CNTN4: variants seen among roughly 807,000 people sequenced by gnomAD.
The protein encoded by CNTN4 is contactin-4.
A neutral mutation model predicts 122.5 loss-of-function variants in CNTN4; 77 were observed. That is an observed-to-expected ratio of 0.63 (90% CI 0.52 to 0.76). The LOEUF is 0.76. CNTN4 is among the 30% of genes least tolerant of loss of function. The pLI is 0.00. For missense variants in CNTN4, 1,256 were observed against 1,259.1 expected (o/e 1.00, Z 0.04); for synonymous variants, 512 against 447.0 (o/e 1.15, Z -1.83).
At chr3:2,933,413 G>C (rs2094541775) in intron 13 of CNTN4, among the ~76,000 whole-genome samples, 1 of 152,146 alleles carries the variant, frequency 6.6e-6, no homozygotes, top group Non-Finnish European at 1.5e-5. Context: ...CATCTGGGGA[G>C]ATACGTGGCC....
At position 3,038,927 on chromosome 3, in the gene CNTN4, G is replaced by T. The variant is rs10510251; in HGVS notation, c.2093-6G>T. 1.2e-6 allele frequency: 2 copies of T among 1,613,856 alleles called. No individual in the cohort carries two copies. ...GACATAACTTGTTTTTTGTCTCCTT[G>T]TGCAGTCCCCGAAGTCACACCAGCG... On this transcript the variant is annotated splice_polypyrimidine_tract_variant and splice_region_variant and intron_variant, in intron 18 of 24. Transcript: ENST00000418658.
At chr3:3,049,587 A>G (rs9851808) in intron 23 of CNTN4, among the ~76,000 whole-genome samples, 117,822 of 152,112 alleles carry the variant, frequency 0.77, 45,961 homozygotes, top group East Asian at 0.88. Flanking sequence ...AATAAATAGA[A>G]TAAGTGATAA....
chr3:2,894,614 A>G (rs1212479847), intron 10 of CNTN4, among the ~76,000 whole-genome samples: 2 of 152,158 alleles, frequency 1.3e-5, no homozygotes, highest in African/African-American at 4.8e-5. Flanking sequence ...TTGGGACTGA[A>G]CTCAAGGTGT....
chr3:2,362,950 C>CA (rs2045219290), intron 3 of CNTN4, among the ~76,000 whole-genome samples: 1 of 151,544 alleles, frequency 6.6e-6, no homozygotes, highest in Non-Finnish European at 1.5e-5. Flanking sequence ...AATTGAAGAA[C>CA]ATTACAGACT....
chr3:2,838,012 G>A (rs114372633), intron 7 of CNTN4, among the ~76,000 whole-genome samples: 422 of 152,200 alleles, frequency 2.8e-3, no homozygotes, highest in African/African-American at 9.5e-3. Flanking sequence ...ATTAAGAATC[G>A]AGTCTGAATT....
chr3:2,850,327 C>G (rs1182957150), intron 7 of CNTN4, among the ~76,000 whole-genome samples: 1 of 152,216 alleles, frequency 6.6e-6, no homozygotes, highest in African/African-American at 2.4e-5. Flanking sequence ...GCATGGTAAA[C>G]AGAACACAGC....
intron 4 of CNTN4, among the ~76,000 whole-genome samples, chr3:2,612,068 T>C (rs2081515982): frequency 6.6e-6 from 1 of 151,480 alleles, no homozygotes; most frequent in African/African-American, 2.4e-5. Flanking sequence ...AAAAATCTAT[T>C]ATTCAACTTA....
intron 3 of CNTN4, among the ~76,000 whole-genome samples, chr3:2,339,582 A>G (rs184612912): frequency 8.5e-5 from 13 of 152,300 alleles, no homozygotes; most frequent in Non-Finnish European, 1.6e-4. Flanking sequence ...ATAGGAGAGG[A>G]TGTTTTAGCA....
At chr3:2,426,577 G>A (rs931344129) in intron 3 of CNTN4, among the ~76,000 whole-genome samples, 1 of 152,058 alleles carries the variant, frequency 6.6e-6, no homozygotes, top group Non-Finnish European at 1.5e-5. Context: ...GGATGATGCT[G>A]GCCTCATAAA....
chr3:2,683,970 A>G (rs1415361727), intron 4 of CNTN4, among the ~76,000 whole-genome samples: 1 of 152,128 alleles, frequency 6.6e-6, no homozygotes, highest in Non-Finnish European at 1.5e-5. Context: ...TTAAGCCTAC[A>G]AATTTGAGAA....
chr3:2,551,656 C>T (rs1445593666), intron 3 of CNTN4, among the ~76,000 whole-genome samples: 3 of 152,192 alleles, frequency 2.0e-5, no homozygotes, highest in Non-Finnish European at 2.9e-5. Context: ...GTTTGTTAGG[C>T]ATGTGAAGAT....
intron 2 of CNTN4, among the ~76,000 whole-genome samples, chr3:2,172,853 A>G (rs975108508): frequency 2.5e-4 from 38 of 152,158 alleles, no homozygotes; most frequent in Admixed American, 1.1e-3. Context: ...AAAAGAGACA[A>G]ATGAGAAAGA....
intron 3 of CNTN4, among the ~76,000 whole-genome samples, chr3:2,394,784 G>GTTTTTTTTTTTTTTTTTTTTTTTTTTT: frequency 9.2e-6 from 1 of 108,488 alleles, no homozygotes; most frequent in Non-Finnish European, 1.8e-5. Flanking sequence ...CCTTATATTA[G>GTTTTTTTTTTTTTTTTTTTTTTTTTTT]TTTTTTTTTT....
At chr3:2,772,925 G>A (rs760730088) in intron 6 of CNTN4, among the ~76,000 whole-genome samples, 1 of 152,164 alleles carries the variant, frequency 6.6e-6, no homozygotes, top group Non-Finnish European at 1.5e-5. Context: ...TAGGAATCAG[G>A]AGAGGATAGA....
chr3:2,556,386 C>T (rs533785571), intron 3 of CNTN4, among the ~76,000 whole-genome samples: 3 of 152,292 alleles, frequency 2.0e-5, no homozygotes, highest in East Asian at 1.9e-4. Flanking sequence ...TACTTACAAA[C>T]GCATGAGTTA....
intron 3 of CNTN4, among the ~76,000 whole-genome samples, chr3:2,384,720 A>G (rs1252877669): frequency 7.9e-5 from 12 of 151,698 alleles, no homozygotes; most frequent in Non-Finnish European, 1.5e-4. Context: ...TCACATGTAA[A>G]TTTGTCCCTG....
chr3:2,647,861 CT>C (rs1467469920), intron 4 of CNTN4, among the ~76,000 whole-genome samples: 1 of 152,164 alleles, frequency 6.6e-6, no homozygotes, highest in African/African-American at 2.4e-5. Context: ...TTTACAGTTA[CT>C]AATATTAAAT....
chr3:2,662,885 G>A (rs1270748124), intron 4 of CNTN4, among the ~76,000 whole-genome samples: 1 of 152,112 alleles, frequency 6.6e-6, no homozygotes, highest in African/African-American at 2.4e-5. Flanking sequence ...TTGAGATCAG[G>A]AGTTCGAGAC....
At chr3:2,562,137 G>A (rs1280862108) in intron 3 of CNTN4, among the ~76,000 whole-genome samples, 1 of 152,128 alleles carries the variant, frequency 6.6e-6, no homozygotes, top group African/African-American at 2.4e-5. Flanking sequence ...AACTACAATT[G>A]CCTGCTGTTC....
Sources: gnomAD v4.1 joint callset for allele counts (sites outside exome capture counted in the v4.1 genomes callset) on GRCh38, gnomAD v4.1.1 for gene constraint, MANE v1.5 for transcripts, NCBI Gene and HGNC (gene_info 2026-07-23, HGNC 2026-07-21) for gene names.